Variants in CDH4 observed in about 807,000 individuals in gnomAD.
The protein encoded by CDH4 is cadherin-4.
Under a neutral mutation model 86.0 loss-of-function variants are expected in CDH4, and 33 were observed. That is an observed-to-expected ratio of 0.38 (90% CI 0.29 to 0.51). The LOEUF (loss-of-function observed/expected upper bound fraction) is 0.51. CDH4 is among the 20% of genes least tolerant of loss of function. CDH4 has a pLI of 0.86. For missense variants in CDH4, 1,114 were observed against 1,307.4 expected, an observed-to-expected ratio of 0.85 and a Z score of 2.28; for synonymous variants, 555 against 549.4, an observed-to-expected ratio of 1.01 and a Z score of -0.14.
At chr20:61,429,493 A>G (rs1485218132) in intron 2 of CDH4, among the ~76,000 whole-genome samples, 2 of 152,120 alleles carry the variant, frequency 1.3e-5, no homozygotes, top group Admixed American at 1.3e-4. Context: ...CAGCAAATTA[A>G]TGCCTGGTGT....
At chr20:61,666,526 A>G (rs2087326264) in intron 2 of CDH4, among the ~76,000 whole-genome samples, 1 of 152,202 alleles carries the variant, frequency 6.6e-6, no homozygotes, top group Non-Finnish European at 1.5e-5. Flanking sequence ...GGATGATGGC[A>G]TGGCTGATGC....
At chr20:61,405,012 C>T (rs1358283776) in intron 2 of CDH4, among the ~76,000 whole-genome samples, 7 of 152,124 alleles carry the variant, frequency 4.6e-5, no homozygotes, top group Admixed American at 3.9e-4. Context: ...ATCGCGCCCC[C>T]GCACTCCAGC....
chr20:61,357,490 G>T (rs2084757628), intron 2 of CDH4, among the ~76,000 whole-genome samples: 1 of 152,192 alleles, frequency 6.6e-6, no homozygotes, highest in South Asian at 2.1e-4. Context: ...TCTCACGTGA[G>T]CTCTTCACTC....
chr20:61,636,211 G>T (rs982502842), intron 2 of CDH4, among the ~76,000 whole-genome samples: 1 of 152,104 alleles, frequency 6.6e-6, no homozygotes, highest in East Asian at 1.9e-4. Context: ...TACCTTCTGC[G>T]GATTCACTTC....
At chr20:61,276,604 A>AT (rs1264323406) in intron 2 of CDH4, among the ~76,000 whole-genome samples, 2 of 152,102 alleles carry the variant, frequency 1.3e-5, no homozygotes, top group African/African-American at 4.8e-5. Context: ...CATTCTTGGG[A>AT]TGATGTTCTG....
intron 2 of CDH4, among the ~76,000 whole-genome samples, chr20:61,698,253 A>G (rs2087736181): frequency 2.0e-5 from 3 of 152,206 alleles, no homozygotes; most frequent in Admixed American, 2.0e-4. Flanking sequence ...CCCACTGACC[A>G]TTCCAGCCCA....
chr20:61,772,959 C>T, intron 3 of CDH4, 44 bp from the exon 4 acceptor site: 1 of 1,565,188 alleles, frequency 6.4e-7, no homozygotes, highest in Non-Finnish European at 8.7e-7. Flanking sequence ...TGTGCAAAAC[C>T]TAACTGGACT....
intron 2 of CDH4, among the ~76,000 whole-genome samples, chr20:61,632,865 C>T (rs1358539162): frequency 1.4e-5 from 2 of 141,116 alleles, no homozygotes; most frequent in South Asian, 5.0e-4. Context: ...CCCACCCACT[C>T]ACTTCTCCAT....
intron 2 of CDH4, among the ~76,000 whole-genome samples, chr20:61,303,777 G>A (rs553183142): frequency 7.9e-5 from 12 of 152,324 alleles, no homozygotes; most frequent in African/African-American, 2.9e-4. Flanking sequence ...CCACCCCCAG[G>A]CCCGGGACAC....
chr20:61,454,616 T>C (rs891505078), intron 2 of CDH4, among the ~76,000 whole-genome samples: 1 of 152,144 alleles, frequency 6.6e-6, no homozygotes, highest in African/African-American at 2.4e-5. Flanking sequence ...CAGCTAATTT[T>C]TTGTATTTCT....
At chr20:61,700,674 C>T (rs1331897412) in intron 2 of CDH4, among the ~76,000 whole-genome samples, 1 of 152,096 alleles carries the variant, frequency 6.6e-6, no homozygotes, top group Non-Finnish European at 1.5e-5. Context: ...CACGTCACCC[C>T]ATACGGCCTC....
intron 2 of CDH4, among the ~76,000 whole-genome samples, chr20:61,565,987 G>A (rs73914851): frequency 0.024 from 3,695 of 152,214 alleles, 102 homozygotes; most frequent in African/African-American, 0.069. Context: ...TCTTGTCCCC[G>A]TTGCCCATCA....
chr20:61,827,881 A>G (rs1981397021), intron 4 of CDH4, among the ~76,000 whole-genome samples: 1 of 152,238 alleles, frequency 6.6e-6, no homozygotes, highest in South Asian at 2.1e-4. Context: ...AGCAATTGCA[A>G]CAGATGGAAA....
chr20:61,576,208 G>A (rs1346569179), intron 2 of CDH4, among the ~76,000 whole-genome samples: 1 of 152,138 alleles, frequency 6.6e-6, no homozygotes, highest in Non-Finnish European at 1.5e-5. Flanking sequence ...TTTTTTGTGT[G>A]TGAACATAAA....
chr20:61,326,408 T>G (rs1317289587), intron 2 of CDH4, among the ~76,000 whole-genome samples: 2 of 152,256 alleles, frequency 1.3e-5, no homozygotes, highest in Admixed American at 1.3e-4. Flanking sequence ...GTTGTGTGGC[T>G]TCAGAATCTT....
At chr20:61,783,840 A>G in intron 4 of CDH4, among the ~76,000 whole-genome samples, 1 of 59,724 alleles carries the variant, frequency 1.7e-5, no homozygotes, top group Non-Finnish European at 3.2e-5. Context: ...TCCTCGGGAC[A>G]GTTCTCAAGG....
intron 2 of CDH4, among the ~76,000 whole-genome samples, chr20:61,303,586 G>T (rs1019238424): frequency 6.6e-6 from 1 of 152,260 alleles, no homozygotes; most frequent in Non-Finnish European, 1.5e-5. Context: ...CCCCCAACTG[G>T]TCATCTTGTG....
chr20:61,292,509 C>T (rs766119737), intron 2 of CDH4, among the ~76,000 whole-genome samples: 19 of 152,226 alleles, frequency 1.2e-4, no homozygotes, highest in Non-Finnish European at 2.9e-5. Context: ...CTACTGGAGA[C>T]GTTTTTGGTT....
intron 3 of CDH4, among the ~76,000 whole-genome samples, chr20:61,770,955 G>C (rs1201704149): frequency 6.7e-6 from 1 of 149,650 alleles, no homozygotes; most frequent in South Asian, 2.1e-4. Flanking sequence ...GGTGACCAGA[G>C]AAAACCAGTG....
Sources: allele counts gnomAD v4.1 joint callset (sites outside exome capture counted in the v4.1 genomes callset), GRCh38; gene constraint gnomAD v4.1.1; transcripts MANE v1.5; gene names NCBI Gene and HGNC (gene_info 2026-07-23, HGNC 2026-07-21).